The following TPST1 variants were observed in gnomAD, a reference collection of about 807,000 sequenced individuals.
TPST1 encodes tyrosylprotein sulfotransferase 1.
TPST1 carries 20 observed loss-of-function variants against 34.8 expected under a neutral mutation model. That is an observed-to-expected ratio of 0.57 (90% confidence interval 0.40 to 0.84). TPST1 has a LOEUF of 0.84. TPST1 is among the 40% of genes least tolerant of loss of function. TPST1 has a pLI of 0.00. For synonymous variants in TPST1, 152 were observed against 159.4 expected, an observed-to-expected ratio of 0.95 and a Z score of 0.35; for missense variants, 353 against 455.5, an observed-to-expected ratio of 0.78 and a Z score of 2.05.
chr7:66,354,390 G>A (rs1792540253), intron 4 of TPST1, among the ~76,000 whole-genome samples: 1 of 150,840 alleles, frequency 6.6e-6, no homozygotes, highest in Admixed American at 6.6e-5. Context: ...TGGATTGCCT[G>A]AGGTCAGGAG....
At chr7:66,255,647 C>G (rs1391259062) in intron 2 of TPST1, among the ~76,000 whole-genome samples, 1 of 151,872 alleles carries the variant, frequency 6.6e-6, no homozygotes, top group African/African-American at 2.4e-5. Context: ...TCCTTCAGAC[C>G]CTCCCAGAAG....
At chr7:66,215,002 AAT>A (rs201965353) in intron 1 of TPST1, among the ~76,000 whole-genome samples, 5,331 of 147,348 alleles carry the variant, frequency 0.036, 156 homozygotes, top group East Asian at 0.088. Flanking sequence ...TATAAATATT[AAT>A]ATGTTTTAAA....
At chr7:66,253,676 A>G (rs1450019160) in intron 2 of TPST1, among the ~76,000 whole-genome samples, 2 of 151,388 alleles carry the variant, frequency 1.3e-5, no homozygotes, top group Non-Finnish European at 2.9e-5. Flanking sequence ...CAGTCAAGAA[A>G]TCCTTCTTCA....
upstream of TPST1, among the ~76,000 whole-genome samples, chr7:66,203,676 G>A (rs1193679009): frequency 6.6e-6 from 1 of 151,414 alleles, no homozygotes; most frequent in African/African-American, 2.4e-5. Context: ...TAGTAGAGAC[G>A]GGGTTTCACC....
chr7:66,341,227 GT>G (rs1792230344), intron 3 of TPST1, among the ~76,000 whole-genome samples: 1 of 152,136 alleles, frequency 6.6e-6, no homozygotes, highest in African/African-American at 2.4e-5. Flanking sequence ...AAACACCATG[GT>G]TCTATATATA....
chr7:66,240,304 A>G, intron 1 of TPST1, 21 bp from the exon 2 acceptor site: 1 of 1,223,302 alleles, frequency 8.2e-7, no homozygotes, highest in South Asian at 1.6e-5. Flanking sequence ...ATGATAAATA[A>G]CCTTTTCCTT....
chr7:66,308,181 G>T (rs749763460), intron 3 of TPST1, among the ~76,000 whole-genome samples: 3 of 152,128 alleles, frequency 2.0e-5, no homozygotes, highest in Non-Finnish European at 4.4e-5. Context: ...AAAGTGTTCA[G>T]TCCTTACTAA....
chr7:66,235,704 G>C (rs1463927897), intron 1 of TPST1, among the ~76,000 whole-genome samples: 1 of 152,166 alleles, frequency 6.6e-6, no homozygotes, highest in Non-Finnish European at 1.5e-5. Flanking sequence ...GCAGCCTCAG[G>C]AAGTCCTGAT....
chr7:66,231,253 G>T (rs1017441018), intron 1 of TPST1, among the ~76,000 whole-genome samples: 1 of 152,252 alleles, frequency 6.6e-6, no homozygotes, highest in African/African-American at 2.4e-5. Context: ...TAGACATAAA[G>T]GTTCTCCACG....
At chr7:66,266,881 G>T (rs992515547) in intron 2 of TPST1, among the ~76,000 whole-genome samples, 2 of 152,008 alleles carry the variant, frequency 1.3e-5, no homozygotes, top group African/African-American at 2.4e-5. Flanking sequence ...GGGCTGACTG[G>T]GAGGCAACAC....
At chr7:66,312,731 A>G (rs930738179) in intron 3 of TPST1, among the ~76,000 whole-genome samples, 6 of 152,248 alleles carry the variant, frequency 3.9e-5, no homozygotes, top group Non-Finnish European at 5.9e-5. Flanking sequence ...GACACTACGA[A>G]AAATCAAATT....
At chr7:66,246,445 C>T (rs1790152285) in intron 2 of TPST1, among the ~76,000 whole-genome samples, 1 of 152,032 alleles carries the variant, frequency 6.6e-6, no homozygotes. Flanking sequence ...GAAAGGAAAT[C>T]AGAGAGCTGA....
chr7:66,209,543 C>T (rs1789201476), intron 1 of TPST1, among the ~76,000 whole-genome samples: 1 of 152,224 alleles, frequency 6.6e-6, no homozygotes, highest in African/African-American at 2.4e-5. Flanking sequence ...AAAATCACCT[C>T]TATTACCTGA....
intron 3 of TPST1, among the ~76,000 whole-genome samples, chr7:66,344,035 A>G (rs1429531684): frequency 3.3e-5 from 5 of 152,236 alleles, no homozygotes; most frequent in African/African-American, 1.2e-4. Context: ...CCTGGGAAAG[A>G]TTCAATGAGC....
chr7:66,244,830 A>C (rs977378735), intron 2 of TPST1, among the ~76,000 whole-genome samples: 13 of 152,204 alleles, frequency 8.5e-5, no homozygotes, highest in African/African-American at 3.1e-4. Flanking sequence ...CACAACTACA[A>C]TTCAGAGACG....
intron 3 of TPST1, among the ~76,000 whole-genome samples, chr7:66,325,082 G>A (rs544377916): frequency 9.2e-5 from 14 of 152,290 alleles, no homozygotes; most frequent in Non-Finnish European, 2.1e-4. Context: ...AGTTCAGCAT[G>A]GCTGGGGAGG....
At chr7:66,302,998 C>T (rs1296445285) in intron 3 of TPST1, among the ~76,000 whole-genome samples, 2 of 152,104 alleles carry the variant, frequency 1.3e-5, no homozygotes, top group African/African-American at 4.8e-5. Context: ...TACCTTTGTT[C>T]CTTCTGCCTT....
rs1792487508 is a variant in TPST1, at chr7:66,351,919, A to T, written c.1045-586A>T. On this transcript the variant is annotated intron_variant, in intron 3 of 5. Transcript: ENST00000304842. ...TATTTATCACAAATTTATCATAAAG[A>T]TTCCTAATTATTGCATGTATTAGAA... 1.3e-5 allele frequency among the ~76,000 whole-genome samples: 2 copies of T among 152,190 alleles called. 1 individual carries two copies. Among genetic ancestry groups the T allele is most frequent in the South Asian group, 4.1e-4 (2 of 4,832 alleles).
At chr7:66,298,490 C>T (rs543533058) in intron 3 of TPST1, among the ~76,000 whole-genome samples, 7 of 152,126 alleles carry the variant, frequency 4.6e-5, no homozygotes, top group South Asian at 4.1e-4. Context: ...TATATTTTCC[C>T]GATTCTTTTA....
Sources: gnomAD v4.1 joint callset for allele counts (sites outside exome capture counted in the v4.1 genomes callset) on GRCh38, gnomAD v4.1.1 for gene constraint, MANE v1.5 for transcripts, NCBI Gene and HGNC (gene_info 2026-07-23, HGNC 2026-07-21) for gene names.